The following GPR52 variants were observed in gnomAD, a reference collection of about 807,000 sequenced individuals.
The protein encoded by GPR52 is probable G-protein coupled receptor 52.
A neutral mutation model predicts 24.0 loss-of-function variants in GPR52; 8 were observed. That is an observed-to-expected ratio of 0.33 (90% CI 0.20 to 0.60). The LOEUF (loss-of-function observed/expected upper bound fraction) is 0.60, where lower values mean the gene tolerates loss of function less well. GPR52 is among the 20% of genes least tolerant of loss of function. The probability of loss-of-function intolerance (pLI) is 0.82; values close to 1 mark genes in which losing one functional copy is unlikely to be tolerated. For synonymous variants in GPR52, 144 were observed against 158.1 expected, an observed-to-expected ratio of 0.91 and a Z score of 0.67; for missense variants, 412 against 447.7, an observed-to-expected ratio of 0.92 and a Z score of 0.72.
Position 174,448,065 on chromosome 1 carries a change from T to A in GPR52, c.-47T>A, listed in dbSNP as rs770177131. On this transcript the variant is annotated 5_prime_UTR_variant, in exon 1 of 1. Transcript: ENST00000367685. The surrounding 1 kb of genome is among the most constrained non-coding windows in gnomAD (Gnocchi z 4.2). ...TGTTTAACAGATGCTGGGCAGGGCA[T>A]CTGCTTGCTGTAGCCAAGTCTGCAG... The A allele has an allele frequency of 1.2e-5, 19 of 1,551,542 alleles. No homozygotes were observed. Among genetic ancestry groups the A allele is most frequent in the Non-Finnish European group, 1.7e-5 (19 of 1,140,988 alleles).
At position 174,448,550 on chromosome 1, in the gene GPR52, C is replaced by T; in HGVS notation, c.439C>T (p.Leu147Phe). 1 of 1,613,104 alleles carries T rather than the reference C, an allele frequency of 6.2e-7. No homozygotes were observed. The highest frequency in any genetic ancestry group is 8.5e-7 in the Non-Finnish European group (1 of 1,179,384). The change falls in exon 1 of 1, where the codon CTT becomes TTT. Residue 147 changes from leucine to phenylalanine, a missense_variant. By Grantham distance (22) the Leu-to-Phe change is conservative. Coordinates refer to ENST00000367685, the MANE Select transcript of GPR52 (RefSeq NM_005684.5). The surrounding 1 kb of genome is among the most constrained non-coding windows in gnomAD (Gnocchi z 4.2). ...VDRYLAITKP[L>F]SYNQLVTPCR... ...TCGTTATCTTGCAATAACCAAGCCTCTTTCCTACAATCAACTGGTCACCCC... is the reference window on the plus strand; with the variant it reads ...TCGTTATCTTGCAATAACCAAGCCTTTTTCCTACAATCAACTGGTCACCCC...
Position 174,448,273 on chromosome 1 carries a change from C to T in GPR52, c.162C>T (p.Ile54=). 6.2e-7 allele frequency: 1 copy of T among 1,613,578 alleles called. No individual in the cohort carries two copies. Among genetic ancestry groups the T allele is most frequent in the Non-Finnish European group, 8.5e-7 (1 of 1,179,504 alleles). ...TVVIVLLTFL[I]IAGNLTVIFV... ...TTATTGTGTTGCTGACATTTCTGAT[C>T]ATTGCTGGGAATCTAACAGTTATCT... Residue 54 remains isoleucine (I), a synonymous_variant, in exon 1 of 1, where the codon ATC becomes ATT. Coordinates refer to ENST00000367685, the MANE Select transcript of GPR52 (RefSeq NM_005684.5). The surrounding 1 kb of genome is among the most constrained non-coding windows in gnomAD (Gnocchi z 4.2).
chr1:174,448,379 G>A lies in GPR52; in HGVS notation c.268G>A (p.Val90Ile), dbSNP rs762493241. 6.2e-6 allele frequency: 10 copies of A among 1,613,588 alleles called. No homozygotes were observed. Among genetic ancestry groups the A allele is most frequent in the South Asian group, 4.4e-5 (4 of 91,058 alleles). Residue 90 changes from valine to isoleucine, a missense_variant, in exon 1 of 1, where the codon GTT becomes ATT. Physicochemically the swap from Val to Ile is conservative, Grantham distance 29 (BLOSUM62 3). Coordinates refer to ENST00000367685, the MANE Select transcript of GPR52 (RefSeq NM_005684.5). This position sits in a 1 kb window ranked among gnomAD's most constrained non-coding sequence, Gnocchi z 4.2. ...GACGATGGCATATGCTGATCTTTTC[G>A]TTGGAGTTAGCTGCTTGGTTCCTAC... Reference protein sequence around the residue: ...IQTMAYADLFVGVSCLVPTLS... With the variant: ...IQTMAYADLFIGVSCLVPTLS...
rs1249684544 is a variant in GPR52, at chr1:174,449,521, TTCTG to T, written c.*329_*332del. Among the ~76,000 whole-genome samples, 1 of 152,218 alleles carries T rather than the reference TTCTG, an allele frequency of 6.6e-6. No individual in the cohort carries two copies. The highest frequency in any genetic ancestry group is 1.9e-4 in the East Asian group (1 of 5,200). ...GCCCCTTGGCTCAGCATTTCTGTCT[TTCTG>T]TCTGACTGTACCCTGCCTCTGTCTT... is the stretch of plus-strand genomic sequence containing the variant. On this transcript the variant is annotated 3_prime_UTR_variant, in exon 1 of 1. Transcript: ENST00000367685.
In GPR52 at chr1:174,448,683, A is replaced by T; in HGVS notation, c.572A>T (p.Glu191Val). 1 of 1,613,952 alleles carries T rather than the reference A, an allele frequency of 6.2e-7. No homozygotes were observed. The highest frequency in any genetic ancestry group is 8.5e-7 in the Non-Finnish European group (1 of 1,179,890). Residue 191 changes from glutamate (E) to valine (V), a missense_variant, in exon 1 of 1, where the codon GAA becomes GTA. Physicochemically the swap from Glu to Val is moderately radical, Grantham distance 121 (BLOSUM62 -2). Coordinates refer to ENST00000367685, the MANE Select transcript of GPR52 (RefSeq NM_005684.5). The surrounding 1 kb of genome is among the most constrained non-coding windows in gnomAD (Gnocchi z 4.2). ...GKPGYHGDIFEWCATSWLTSA... is the reference protein window; with the variant it reads ...GKPGYHGDIFVWCATSWLTSA... ...CCTGGTTACCATGGTGACATTTTTG[A>T]ATGGTGTGCCACGTCTTGGCTCACC...
chr1:174,449,130 T>G lies in GPR52; in HGVS notation c.1019T>G (p.Met340Arg), dbSNP rs1655138516. 6.2e-7 allele frequency: 1 copy of G among 1,612,540 alleles called. No individual in the cohort carries two copies. Among genetic ancestry groups the G allele is most frequent in the Admixed American group, 1.7e-5 (1 of 59,824 alleles). Residue 340 changes from methionine to arginine, a missense_variant, in exon 1 of 1, where the codon ATG becomes AGG. By Grantham distance (91) the Met-to-Arg change is moderately conservative. Transcript: ENST00000367685. ...RLSETMCTSC[M>R]CVKDQEAQEP... ...TCTGAGACAATGTGCACATCCTGTA[T>G]GTGTGTGAAGGATCAGGAAGCACAA...
At position 174,448,696 on chromosome 1, in the gene GPR52, G is replaced by A. The variant is rs1414055910; in HGVS notation, c.585G>A (p.Thr195=). 2.1e-5 allele frequency: 34 copies of A among 1,613,880 alleles called. 1 individual carries two copies. The highest frequency in any genetic ancestry group is 1.8e-4 in the Admixed American group (11 of 59,984). Residue 195 remains threonine, a synonymous_variant, in exon 1 of 1, where the codon ACG becomes ACA. Coordinates refer to ENST00000367685, the MANE Select transcript of GPR52 (RefSeq NM_005684.5). This position sits in a 1 kb window ranked among gnomAD's most constrained non-coding sequence, Gnocchi z 4.2. ...YHGDIFEWCA[T]SWLTSAYFTG... ...GTGACATTTTTGAATGGTGTGCCAC[G>A]TCTTGGCTCACCAGTGCCTATTTTA...
In GPR52 at chr1:174,449,247, T is replaced by G; in HGVS notation, c.*50T>G. The G allele has an allele frequency of 2.1e-6, 3 of 1,449,464 alleles. No individual in the cohort carries two copies. The highest frequency in any genetic ancestry group is 2.8e-6 in the Non-Finnish European group (3 of 1,077,306). 89.8% of individuals were successfully genotyped at this position (1,449,464 alleles called of 1,614,324 possible). ...GTAATCTGACAGTGGTTTTGGATCA[T>G]ATTCTAGATTCATCTGGAAATTTGC... On this transcript the variant is annotated 3_prime_UTR_variant, in exon 1 of 1. Transcript: ENST00000367685.
Position 174,449,203 on chromosome 1 carries a change from G to A in GPR52, c.*6G>A. ...CTAATTCTTGCTCCATTTGAAGAGA[G>A]CTACATAGTAAATCAAATGTAATCT... On this transcript the variant is annotated 3_prime_UTR_variant, in exon 1 of 1. Transcript: ENST00000367685. 1 of 1,554,350 alleles carries A rather than the reference G, an allele frequency of 6.4e-7. No individual in the cohort carries two copies. The highest frequency in any genetic ancestry group is 1.2e-5 in the South Asian group (1 of 80,182).
chr1:174,449,040 G>T lies in GPR52; in HGVS notation c.929G>T (p.Ser310Ile). ...ACAACCTGGCTTGCAATAAGTAATA[G>T]TTTTTGTAACTGTGTAATATACAGC... ...FLTTWLAISN[S>I]FCNCVIYSLS... is the part of the protein sequence containing the mutation. Residue 310 changes from serine (S) to isoleucine (I), a missense_variant, in exon 1 of 1, where the codon AGT (serine) becomes ATT (isoleucine). Coordinates refer to ENST00000367685, the MANE Select transcript of GPR52 (RefSeq NM_005684.5). 6.2e-7 allele frequency: 1 copy of T among 1,613,976 alleles called. No homozygotes were observed. The highest frequency in any genetic ancestry group is 8.5e-7 in the Non-Finnish European group (1 of 1,179,878).
In GPR52 at chr1:174,448,801, C is replaced by T. The variant is rs1655094267; in HGVS notation, c.690C>T (p.Cys230=). The T allele has an allele frequency of 1.1e-5, 17 of 1,613,962 alleles. No homozygotes were observed. Among genetic ancestry groups the T allele is most frequent in the Non-Finnish European group, 1.4e-5 (16 of 1,179,884 alleles). ...CFTYFHIFKI[C]RQHTKEINDR... ...CTTACTTCCACATTTTCAAAATTTG[C>T]CGTCAGCACACCAAAGAGATAAATG... is the stretch of plus-strand genomic sequence containing the variant. Residue 230 remains cysteine (C), a synonymous_variant, in exon 1 of 1, where the codon TGC becomes TGT. Transcript: ENST00000367685. This position sits in a 1 kb window ranked among gnomAD's most constrained non-coding sequence, Gnocchi z 4.2.
Position 174,448,211 on chromosome 1 carries a change from TAC to T in GPR52, c.102_103del (p.Tyr34Ter). ...CTCCTGCCCACTTGGATTTGGCCACTACAGTGTGGTGGATGTCTGCATCTTCG... is the reference window on the plus strand; with the variant it reads ...CTCCTGCCCACTTGGATTTGGCCACTAGTGTGGTGGATGTCTGCATCTTCG... ...RHSCPLGFGH[Y>X]SVVDVCIFET... On this transcript the variant is annotated frameshift_variant, in exon 1 of 1. Coordinates refer to ENST00000367685, the MANE Select transcript of GPR52 (RefSeq NM_005684.5). LOFTEE classifies it high-confidence loss of function. This position sits in a 1 kb window ranked among gnomAD's most constrained non-coding sequence, Gnocchi z 4.2. 1 of 1,613,622 alleles carries T rather than the reference TAC, an allele frequency of 6.2e-7. No individual in the cohort carries two copies. Among genetic ancestry groups the T allele is most frequent in the Non-Finnish European group, 8.5e-7 (1 of 1,179,496 alleles).
Position 174,448,389 on chromosome 1 carries a change from G to A in GPR52, c.278G>A (p.Ser93Asn). 1.2e-6 allele frequency: 2 copies of A among 1,613,568 alleles called. No individual in the cohort carries two copies. The highest frequency in any genetic ancestry group is 1.7e-6 in the Non-Finnish European group (2 of 1,179,540). Residue 93 changes from serine (S) to asparagine (N), a missense_variant, in exon 1 of 1, where the codon AGC becomes AAC. By Grantham distance (46) the Ser-to-Asn change is conservative (BLOSUM62 1). Transcript: ENST00000367685. This position sits in a 1 kb window ranked among gnomAD's most constrained non-coding sequence, Gnocchi z 4.2. ...TATGCTGATCTTTTCGTTGGAGTTA[G>A]CTGCTTGGTTCCTACTCTGTCACTT... ...MAYADLFVGV[S>N]CLVPTLSLLH... is the part of the protein sequence containing the mutation.
Position 174,448,427 on chromosome 1 carries a change from A to T in GPR52, c.316A>T (p.Thr106Ser). Residue 106 changes from threonine (T) to serine (S), a missense_variant, in exon 1 of 1, where the codon ACA becomes TCA. Thr to Ser is a moderately conservative substitution (Grantham distance 58). Transcript: ENST00000367685. The surrounding 1 kb of genome is among the most constrained non-coding windows in gnomAD (Gnocchi z 4.2). ...VPTLSLLHYS[T>S]GVHESLTCQV... ...TACTCTGTCACTTCTCCACTACTCC[A>T]CAGGTGTCCACGAGTCATTGACTTG... 1 of 1,613,174 alleles carries T rather than the reference A, an allele frequency of 6.2e-7. No homozygotes were observed. The highest frequency in any genetic ancestry group is 8.5e-7 in the Non-Finnish European group (1 of 1,179,182).
Position 174,448,164 on chromosome 1 carries a change from T to G in GPR52, c.53T>G (p.Ile18Ser), listed in dbSNP as rs1339394193. Residue 18 changes from isoleucine (I) to serine (S), a missense_variant, in exon 1 of 1, where the codon ATT (isoleucine) becomes AGT (serine). By Grantham distance (142) the Ile-to-Ser change is moderately radical. Coordinates refer to ENST00000367685, the MANE Select transcript of GPR52 (RefSeq NM_005684.5). The surrounding 1 kb of genome is among the most constrained non-coding windows in gnomAD (Gnocchi z 4.2). Reference protein sequence around the residue: ...EWRILNMSSGIVNVSERHSCP... With the variant: ...EWRILNMSSGSVNVSERHSCP... ...AGGATCCTGAACATGAGCAGTGGCA[T>G]TGTGAATGTGTCCGAGCGTCACTCC... is the stretch of plus-strand genomic sequence containing the variant. 6.2e-7 allele frequency: 1 copy of G among 1,613,320 alleles called. No homozygotes were observed. The highest frequency in any genetic ancestry group is 1.7e-5 in the Admixed American group (1 of 59,998).
chr1:174,448,962 A>T lies in GPR52; in HGVS notation c.851A>T (p.Tyr284Phe). 6.2e-7 allele frequency: 1 copy of T among 1,613,880 alleles called. No individual in the cohort carries two copies. The highest frequency in any genetic ancestry group is 8.5e-7 in the Non-Finnish European group (1 of 1,179,808). ...ATGCTGTGGCTCCCCTATATAATTT[A>T]CTTTCTTCTAGAAAGCTCCCGGGTC... ...FYMLWLPYII[Y>F]FLLESSRVLD... The change falls in exon 1 of 1, where the codon TAC (tyrosine) becomes TTC (phenylalanine). Residue 284 changes from tyrosine to phenylalanine, a missense_variant. Coordinates refer to ENST00000367685, the MANE Select transcript of GPR52 (RefSeq NM_005684.5). The surrounding 1 kb of genome is among the most constrained non-coding windows in gnomAD (Gnocchi z 4.2).
Position 174,448,192 on chromosome 1 carries a change from C to T in GPR52, c.81C>T (p.Cys27=). 1 of 1,613,732 alleles carries T rather than the reference C, an allele frequency of 6.2e-7. No homozygotes were observed. Among genetic ancestry groups the T allele is most frequent in the East Asian group, 2.2e-5 (1 of 44,864 alleles). The change falls in exon 1 of 1, where the codon TGC becomes TGT. Residue 27 remains cysteine, a synonymous_variant. Transcript: ENST00000367685. The surrounding 1 kb of genome is among the most constrained non-coding windows in gnomAD (Gnocchi z 4.2). Reference sequence around the variant, plus strand: ...TGAATGTGTCCGAGCGTCACTCCTGCCCACTTGGATTTGGCCACTACAGTG... The same window carrying T: ...TGAATGTGTCCGAGCGTCACTCCTGTCCACTTGGATTTGGCCACTACAGTG... ...GIVNVSERHS[C]PLGFGHYSVV...
At position 174,449,248 on chromosome 1, in the gene GPR52, A is replaced by G; in HGVS notation, c.*51A>G. ...TAATCTGACAGTGGTTTTGGATCAT[A>G]TTCTAGATTCATCTGGAAATTTGCC... On this transcript the variant is annotated 3_prime_UTR_variant, in exon 1 of 1. Transcript: ENST00000367685. 3 of 1,448,034 alleles carry G rather than the reference A, an allele frequency of 2.1e-6. No homozygotes were observed. The highest frequency in any genetic ancestry group is 2.3e-5 in the East Asian group (1 of 43,570). The allele number at this position is 1,448,034 out of a possible 1,614,324, so 89.7% of individuals were successfully genotyped here.
Position 174,449,336 on chromosome 1 carries a change from T to C in GPR52, c.*139T>C, listed in dbSNP as rs1325408868. The C allele has an allele frequency of 7.5e-5, 52 of 696,216 alleles. No individual in the cohort carries two copies. Among genetic ancestry groups the C allele is most frequent in the Non-Finnish European group, 1.0e-4 (43 of 428,538 alleles). The allele number at this position is 696,216 out of a possible 1,614,324, so 43.1% of individuals were successfully genotyped here. ...TGAAGTATGAGACTAAAGGTTTCTCTCTTTTTTTTTCTTTTTCATGGAAGA... is the reference window on the plus strand; with the variant it reads ...TGAAGTATGAGACTAAAGGTTTCTCCCTTTTTTTTTCTTTTTCATGGAAGA... On this transcript the variant is annotated 3_prime_UTR_variant, in exon 1 of 1. Transcript: ENST00000367685.
Sources: allele counts gnomAD v4.1 joint callset (sites outside exome capture counted in the v4.1 genomes callset), GRCh38; gene constraint gnomAD v4.1.1; non-coding constraint Gnocchi (gnomAD v3.1); transcripts MANE v1.5; gene names NCBI Gene and HGNC (gene_info 2026-07-23, HGNC 2026-07-21).